AGAP1: variants seen among roughly 807,000 people sequenced by gnomAD.
AGAP1 encodes the protein arf-GAP with GTPase, ANK repeat and PH domain-containing protein 1.
AGAP1 carries 29 observed loss-of-function variants against 105.3 expected under a neutral mutation model. The observed-to-expected ratio is 0.28, with a 90% CI of 0.21 to 0.38. AGAP1 has a LOEUF of 0.38. Among genes scored for constraint, AGAP1 ranks in the 10% least tolerant of loss-of-function variants. The pLI is 1.00. For synonymous variants in AGAP1, 509 were observed against 485.9 expected (o/e 1.05, Z -0.63); for missense variants, 998 against 1,165.1 (o/e 0.86, Z 2.09).
chr2:235,985,145 C>G (rs182677352), intron 13 of AGAP1, among the ~76,000 whole-genome samples: 1 of 152,348 alleles, frequency 6.6e-6, no homozygotes, highest in Non-Finnish European at 1.5e-5. Context: ...AATCACCATT[C>G]TAACTGGCAT....
At chr2:236,074,305 T>C (rs1420776785) in intron 16 of AGAP1, among the ~76,000 whole-genome samples, 1 of 152,198 alleles carries the variant, frequency 6.6e-6, no homozygotes, top group Non-Finnish European at 1.5e-5. Context: ...GGGAAGTGTG[T>C]GATTCTCTCC....
At position 235,609,400 on chromosome 2, in the gene AGAP1, A is replaced by G. The variant is rs1946053334; in HGVS notation, c.164-99779A>G. 6.6e-6 allele frequency among the ~76,000 whole-genome samples: 1 copy of G among 152,180 alleles called. No individual in the cohort carries two copies. The highest frequency in any genetic ancestry group is 1.5e-5 in the Non-Finnish European group (1 of 68,038). On this transcript the variant is annotated intron_variant, in intron 1 of 17. Coordinates refer to ENST00000304032, the MANE Select transcript of AGAP1 (RefSeq NM_001037131.3). The surrounding 1 kb of genome is among the most constrained non-coding windows in gnomAD (Gnocchi z 5.1). ...AGAATGAGCGGGAAGCCTCCACAAC[A>G]GGTGGAGAAAATAGCAAGGGCTGCT...
At position 235,622,463 on chromosome 2, in the gene AGAP1, A is replaced by G. The variant is rs1946515327; in HGVS notation, c.164-86716A>G. On this transcript the variant is annotated intron_variant, in intron 1 of 17. Coordinates refer to ENST00000304032, the MANE Select transcript of AGAP1 (RefSeq NM_001037131.3). This position sits in a 1 kb window ranked among gnomAD's most constrained non-coding sequence, Gnocchi z 5.0. Reference sequence around the variant, plus strand: ...GATCTAGACCTGGTGCCTGGACTCAATCTGCAGAGACAGGTGTCTGGGATC... The same window carrying G: ...GATCTAGACCTGGTGCCTGGACTCAGTCTGCAGAGACAGGTGTCTGGGATC... Among the ~76,000 whole-genome samples the G allele has an allele frequency of 6.6e-6, 1 of 152,142 alleles. No homozygotes were observed. The highest frequency in any genetic ancestry group is 2.4e-5 in the African/African-American group (1 of 41,436).
Position 235,973,936 on chromosome 2 carries a change from C to T in AGAP1, c.1645+5313C>T, listed in dbSNP as rs1435316707. Among the ~76,000 whole-genome samples the T allele has an allele frequency of 6.6e-6, 1 of 152,114 alleles. No homozygotes were observed. The highest frequency in any genetic ancestry group is 1.5e-5 in the Non-Finnish European group (1 of 68,022). On this transcript the variant is annotated intron_variant, in intron 13 of 17. Coordinates refer to ENST00000304032, the MANE Select transcript of AGAP1 (RefSeq NM_001037131.3). This position sits in a 1 kb window ranked among gnomAD's most constrained non-coding sequence, Gnocchi z 4.7. Reference sequence around the variant, plus strand: ...GTGGGATTTTGCAGATCTTTAATGGCTTGTCAGCTCTTGGCATTGTCTTTG... The same window carrying T: ...GTGGGATTTTGCAGATCTTTAATGGTTTGTCAGCTCTTGGCATTGTCTTTG...
In AGAP1 at chr2:236,014,553, G is replaced by A. The variant is rs1250691330; in HGVS notation, c.1646-22008G>A. On this transcript the variant is annotated intron_variant, in intron 13 of 17. Transcript: ENST00000304032. The surrounding 1 kb of genome is among the most constrained non-coding windows in gnomAD (Gnocchi z 6.3). ...CGAAGCAGACTTCTGCGCGTGGGTA[G>A]TTCTTTGACGTTAGATGCAATCCTG... 6.6e-6 allele frequency among the ~76,000 whole-genome samples: 1 copy of A among 152,124 alleles called. No individual in the cohort carries two copies. The highest frequency in any genetic ancestry group is 1.5e-5 in the Non-Finnish European group (1 of 68,036).
In AGAP1 at chr2:236,056,941, C is replaced by T. The variant is rs2058067443; in HGVS notation, c.2114+7660C>T. 6.6e-6 allele frequency among the ~76,000 whole-genome samples: 1 copy of T among 152,210 alleles called. No homozygotes were observed. Among genetic ancestry groups the T allele is most frequent in the South Asian group, 2.1e-4 (1 of 4,832 alleles). The stretch of plus-strand genomic sequence containing the variant: ...AACCGCCATGTTTAGCAGCACCACT[C>T]CCACTCGCCCCTGGTCAGTTTCTAT... On this transcript the variant is annotated intron_variant, in intron 16 of 17. Coordinates refer to ENST00000304032, the MANE Select transcript of AGAP1 (RefSeq NM_001037131.3). The surrounding 1 kb of genome is among the most constrained non-coding windows in gnomAD (Gnocchi z 4.6).
chr2:235,760,785 G>A (rs1265565613), intron 6 of AGAP1, among the ~76,000 whole-genome samples: 3 of 152,096 alleles, frequency 2.0e-5, no homozygotes, highest in Non-Finnish European at 2.9e-5. Context: ...TGAGGGTCTC[G>A]ATGTATTGCC....
intron 1 of AGAP1, among the ~76,000 whole-genome samples, chr2:235,499,726 G>T (rs976159084): frequency 6.6e-6 from 1 of 152,122 alleles, no homozygotes; most frequent in Admixed American, 6.5e-5. Flanking sequence ...GCCTTGCCTC[G>T]CCAGAATTAA....
At chr2:235,826,020 A>G (rs537384329) in intron 9 of AGAP1, among the ~76,000 whole-genome samples, 1 of 152,318 alleles carries the variant, frequency 6.6e-6, no homozygotes, top group African/African-American at 2.4e-5. Context: ...ACAGAAAAAA[A>G]AAAATAGAAA....
At position 235,975,412 on chromosome 2, in the gene AGAP1, G is replaced by A. The variant is rs180908055; in HGVS notation, c.1645+6789G>A. On this transcript the variant is annotated intron_variant, in intron 13 of 17. Transcript: ENST00000304032. ...CTCTCAGTTAATCTGTAACCATCCG[G>A]TTAGATGGACTATCATGCAGCTTGA... Among the ~76,000 whole-genome samples, 40 of 152,294 alleles carry A rather than the reference G, an allele frequency of 2.6e-4. No homozygotes were observed. In the East Asian group the frequency reaches 7.3e-3, roughly 28 times the overall value.
intron 6 of AGAP1, among the ~76,000 whole-genome samples, chr2:235,759,438 G>A (rs546383287): frequency 1.2e-4 from 18 of 152,302 alleles, no homozygotes; most frequent in African/African-American, 2.2e-4. Flanking sequence ...CAAAGTGCTG[G>A]GATTACAGGC....
At position 235,879,855 on chromosome 2, in the gene AGAP1, GC is replaced by G. The variant is rs1395582317; in HGVS notation, c.1051-3489del. ...AGGCTGGCGCAGGAGAATTGCTTGA[GC>G]TGGAAAGTTCAAGGTTGCAGTGAGC... is the stretch of plus-strand genomic sequence containing the variant. On this transcript the variant is annotated intron_variant, in intron 9 of 17. Transcript: ENST00000304032. This position sits in a 1 kb window ranked among gnomAD's most constrained non-coding sequence, Gnocchi z 5.0. Among the ~76,000 whole-genome samples, 15 of 152,156 alleles carry G rather than the reference GC, an allele frequency of 9.9e-5. 1 individual carries two copies. Among genetic ancestry groups the G allele is most frequent in the Admixed American group, 9.2e-4 (14 of 15,280 alleles).
rs535992205 is a variant in AGAP1, at chr2:236,092,586, G to T, written c.2115-27606G>T. On this transcript the variant is annotated intron_variant, in intron 16 of 17. Coordinates refer to ENST00000304032, the MANE Select transcript of AGAP1 (RefSeq NM_001037131.3). This position sits in a 1 kb window ranked among gnomAD's most constrained non-coding sequence, Gnocchi z 4.7. ...TTTTTGTATTTTTATTAGAGACGGG[G>T]TTTCACCGTGTTAGCCAGGATGGTC... is the stretch of plus-strand genomic sequence containing the variant. Among the ~76,000 whole-genome samples the T allele has an allele frequency of 4.6e-3, 699 of 152,214 alleles. No homozygotes were observed. The highest frequency in any genetic ancestry group is 7.7e-3 in the Non-Finnish European group (522 of 68,010).
chr2:236,116,273 C>T (rs1331827687), intron 16 of AGAP1, among the ~76,000 whole-genome samples: 1 of 151,988 alleles, frequency 6.6e-6, no homozygotes, highest in Non-Finnish European at 1.5e-5. Context: ...AAACCTGGAC[C>T]TACCTTTTAT....
chr2:235,709,341 G>A, intron 2 of AGAP1, 104 bp downstream of exon 2: 1 of 1,316,716 alleles, frequency 7.6e-7, no homozygotes, highest in Non-Finnish European at 1.1e-6. Flanking sequence ...GGCCCAGAGT[G>A]GAAGTGTGAC....
intron 14 of AGAP1, among the ~76,000 whole-genome samples, chr2:236,039,029 A>C (rs1263768093): frequency 6.6e-5 from 10 of 152,242 alleles, no homozygotes; most frequent in Non-Finnish European, 1.2e-4. Context: ...ATTTGATGAG[A>C]TGTTTCAATT....
chr2:235,827,937 C>T lies in AGAP1; in HGVS notation c.1050+20606C>T, dbSNP rs574469205. 1.1e-3 allele frequency among the ~76,000 whole-genome samples: 162 copies of T among 152,304 alleles called. 1 individual carries two copies. Among genetic ancestry groups the T allele is most frequent in the African/African-American group, 3.7e-3 (154 of 41,560 alleles). On this transcript the variant is annotated intron_variant, in intron 9 of 17. Transcript: ENST00000304032. The stretch of plus-strand genomic sequence containing the variant: ...GGAGGCTGCACTGGCTTCTGGGAAG[C>T]GCTGGTTTCTGGAGCAGGCCAGCCT...
At position 235,855,909 on chromosome 2, in the gene AGAP1, C is replaced by CATTATT; in HGVS notation, c.1051-27426_1051-27421dup. Among the ~76,000 whole-genome samples the CATTATT allele has an allele frequency of 6.6e-6, 1 of 151,958 alleles. No individual in the cohort carries two copies. The highest frequency in any genetic ancestry group is 1.9e-4 in the East Asian group (1 of 5,170). ...GAAGTACTGAGAATATTATTATTAT[C>CATTATT]ATTATTATTATTATTTTCTTTTGAG... On this transcript the variant is annotated intron_variant, in intron 9 of 17. Transcript: ENST00000304032. The surrounding 1 kb of genome is among the most constrained non-coding windows in gnomAD (Gnocchi z 5.0).
At position 235,882,599 on chromosome 2, in the gene AGAP1, G is replaced by A; in HGVS notation, c.1051-746G>A. The A allele has an allele frequency of 2.2e-6, 1 of 462,018 alleles. No individual in the cohort carries two copies. Among genetic ancestry groups the A allele is most frequent in the African/African-American group, 2.0e-5 (1 of 48,948 alleles). 28.6% of individuals were successfully genotyped at this position (462,018 alleles called of 1,614,324 possible). A position where few individuals can be genotyped will look rare whatever the true frequency, so the allele number is the denominator to read the frequency against. Reference sequence around the variant, plus strand: ...CTGCTCAGCCTCCCCGAGTAGCTGGGATTATAGGTGCCCACCACTGCGTCC... The same window carrying A: ...CTGCTCAGCCTCCCCGAGTAGCTGGAATTATAGGTGCCCACCACTGCGTCC... On this transcript the variant is annotated intron_variant, in intron 9 of 17. Coordinates refer to ENST00000304032, the MANE Select transcript of AGAP1 (RefSeq NM_001037131.3). The surrounding 1 kb of genome is among the most constrained non-coding windows in gnomAD (Gnocchi z 4.6).
Sources: gnomAD v4.1 joint callset for allele counts (sites outside exome capture counted in the v4.1 genomes callset) on GRCh38, gnomAD v4.1.1 for gene constraint, Gnocchi (gnomAD v3.1) non-coding constraint, MANE v1.5 for transcripts, NCBI Gene and HGNC (gene_info 2026-07-23, HGNC 2026-07-21) for gene names.